Variants in DDX42 observed in about 807,000 individuals in gnomAD.
DDX42 encodes the protein DEAD-box helicase 42.
A neutral mutation model predicts 101.5 loss-of-function variants in DDX42; 22 were observed. The observed-to-expected ratio is 0.22, with a 90% confidence interval of 0.15 to 0.31. The LOEUF is 0.31. Among genes scored for constraint, DDX42 ranks in the 10% least tolerant of loss-of-function variants. The pLI is 1.00. For synonymous variants in DDX42, 402 were observed against 401.2 expected (o/e 1.00, Z -0.02); for missense variants, 849 against 1,199.9 (o/e 0.71, Z 4.32).
chr17:63,808,979 C>A, intron 10 of DDX42, 31 bp downstream of exon 10: 1 of 1,605,534 alleles, frequency 6.2e-7, no homozygotes, highest in South Asian at 1.1e-5. Flanking sequence ...AATGGCTTCT[C>A]AGCCTCCCTC....
At position 63,806,469 on chromosome 17, in the gene DDX42, T is replaced by G. The variant is rs909483952; in HGVS notation, c.727-66T>G. ...TAAAATGCTAGATCCAGGTAAGTAT[T>G]GTTGAACTTCAAATGCTGTTAATGT... On this transcript the variant is annotated intron_variant, in intron 7 of 17. Transcript: ENST00000389924. The G allele has an allele frequency of 5.9e-6, 9 of 1,516,288 alleles. No homozygotes were observed. The Admixed American group carries it at 1.0e-4, about 17-fold the overall frequency. The allele number at this position is 1,516,288 out of a possible 1,614,324, so 93.9% of individuals were successfully genotyped here. A position where few individuals can be genotyped will look rare whatever the true frequency, so the allele number is the denominator to read the frequency against.
chr17:63,783,986 C>T (rs898915266), intron 1 of DDX42, among the ~76,000 whole-genome samples: 3 of 152,042 alleles, frequency 2.0e-5, no homozygotes, highest in South Asian at 2.1e-4. Context: ...ATCACTTGAA[C>T]CATGGAGGCA....
intron 3 of DDX42, 128 bp from the exon 4 acceptor site, chr17:63,797,910 T>G (rs1175743431): frequency 7.3e-5 from 58 of 796,180 alleles, no homozygotes; most frequent in Admixed American, 3.2e-5. Flanking sequence ...CAAAATGCAA[T>G]TTGATGGCAT....
Position 63,811,080 on chromosome 17 carries a change from C to G in DDX42, c.1305C>G (p.Leu435=). 1 of 1,613,568 alleles carries G rather than the reference C, an allele frequency of 6.2e-7. No homozygotes were observed. The highest frequency in any genetic ancestry group is 8.5e-7 in the Non-Finnish European group (1 of 1,179,736). Residue 435 remains leucine, a synonymous_variant, in exon 13 of 18, where the codon CTC becomes CTG. Coordinates refer to ENST00000389924, the MANE Select transcript of DDX42 (RefSeq NM_203499.3). ...ASHVRPDRQT[L]LFSATFRKKI... ...AGAATTTATCTTACCTTTTAGCTCT[C>G]TTATTTAGTGCAACTTTTCGGAAGA...
intron 2 of DDX42, among the ~76,000 whole-genome samples, chr17:63,787,907 T>TTC (rs1450500047): frequency 8.3e-6 from 1 of 120,758 alleles, no homozygotes; most frequent in African/African-American, 4.2e-5. Context: ...TTCATGTGGT[T>TTC]TTTTTTTTTT....
intron 1 of DDX42, among the ~76,000 whole-genome samples, chr17:63,779,726 A>G (rs1300321180): frequency 6.6e-6 from 1 of 151,468 alleles, no homozygotes; most frequent in Non-Finnish European, 1.5e-5. Context: ...GAGTTTGACT[A>G]TTCTAGGTAT....
At chr17:63,792,366 C>T in intron 2 of DDX42, 46 bp from the exon 3 acceptor site, 1 of 1,586,648 alleles carries the variant, frequency 6.3e-7, no homozygotes, top group East Asian at 2.3e-5. Context: ...GATTTACTGA[C>T]CCCAAAGTAA....
At position 63,817,861 on chromosome 17, in the gene DDX42, C is replaced by T; in HGVS notation, c.2280C>T (p.Ala760=). The change falls in exon 18 of 18, where the codon GCC becomes GCT. Residue 760 remains alanine, a synonymous_variant. Coordinates refer to ENST00000389924, the MANE Select transcript of DDX42 (RefSeq NM_203499.3). ...CTGACAGCCCCGTCACCAGTGCCGC[C>T]AAGGGCATCCCAGGCTTTGGCAATA... The part of the protein sequence containing the change: ...NSPDSPVTSA[A]KGIPGFGNTG... 3.1e-6 allele frequency: 5 copies of T among 1,614,208 alleles called. No homozygotes were observed. Among genetic ancestry groups the T allele is most frequent in the Non-Finnish European group, 4.2e-6 (5 of 1,180,040 alleles).
chr17:63,818,714 A>G lies in DDX42; in HGVS notation c.*316A>G. ...AAAACTCACTCTAGGTTTATATTGTATGTAGCTTATATTTTTTACTAAGGT... is the reference window on the plus strand; with the variant it reads ...AAAACTCACTCTAGGTTTATATTGTGTGTAGCTTATATTTTTTACTAAGGT... On this transcript the variant is annotated 3_prime_UTR_variant, in exon 18 of 18. Coordinates refer to ENST00000389924, the MANE Select transcript of DDX42 (RefSeq NM_203499.3). The G allele has an allele frequency of 4.1e-6, 1 of 245,810 alleles. No individual in the cohort carries two copies. Among genetic ancestry groups the G allele is most frequent in the Non-Finnish European group, 8.0e-6 (1 of 125,782 alleles). The allele number at this position is 245,810 out of a possible 1,614,324, so 15.2% of individuals were successfully genotyped here. A position where few individuals can be genotyped will look rare whatever the true frequency, so the allele number is the denominator to read the frequency against.
At chr17:63,796,133 C>G (rs1461062828) in intron 3 of DDX42, among the ~76,000 whole-genome samples, 3 of 152,098 alleles carry the variant, frequency 2.0e-5, no homozygotes, top group Non-Finnish European at 4.4e-5. Flanking sequence ...TCCTAATGGG[C>G]TATGTTTCCT....
intron 6 of DDX42, among the ~76,000 whole-genome samples, chr17:63,803,288 A>T (rs2039795415): frequency 6.6e-6 from 1 of 152,074 alleles, no homozygotes; most frequent in Non-Finnish European, 1.5e-5. Flanking sequence ...TTAGTGTAAA[A>T]TAAAAAGTAT....
intron 8 of DDX42, 52 bp from the exon 9 acceptor site, chr17:63,807,672 T>C (rs1037429381): frequency 4.5e-6 from 7 of 1,541,500 alleles, no homozygotes; most frequent in African/African-American, 1.4e-5. Flanking sequence ...TTTGCTTCAG[T>C]ACATCTTTAG....
At chr17:63,794,671 C>T (rs1010476411) in intron 3 of DDX42, among the ~76,000 whole-genome samples, 3 of 151,380 alleles carry the variant, frequency 2.0e-5, no homozygotes, top group African/African-American at 2.4e-5. Flanking sequence ...CACAGTGGCT[C>T]ACGGCTCACA....
intron 2 of DDX42, 109 bp from the exon 3 acceptor site, chr17:63,792,303 A>G (rs1295287985): frequency 8.1e-7 from 1 of 1,239,888 alleles, no homozygotes; most frequent in East Asian, 2.4e-5. Flanking sequence ...TTTGATCTGC[A>G]TTACATCTCC....
chr17:63,811,005 C>T (rs2039903279), intron 12 of DDX42, 71 bp from the exon 13 acceptor site: 1 of 1,277,442 alleles, frequency 7.8e-7, no homozygotes, highest in Non-Finnish European at 1.1e-6. Flanking sequence ...ATCCTGAATG[C>T]CAAAGAAGCT....
intron 3 of DDX42, among the ~76,000 whole-genome samples, chr17:63,796,424 C>G (rs2039693362): frequency 6.6e-6 from 1 of 152,358 alleles, no homozygotes; most frequent in East Asian, 1.9e-4. Flanking sequence ...TCAAGCGATT[C>G]TCCTGCCTCA....
At position 63,812,096 on chromosome 17, in the gene DDX42, G is replaced by A. The variant is rs778384923; in HGVS notation, c.1563G>A (p.Glu521=). The stretch of plus-strand genomic sequence containing the variant: ...AGCTAGCGAATAACCTTAAACAGGA[G>A]GGTCATAATCTTGGGCTGCTCCATG... ...AEELANNLKQ[E]GHNLGLLHGD... Residue 521 remains glutamate (E), a synonymous_variant, in exon 14 of 18, where the codon GAG becomes GAA. Transcript: ENST00000389924. 8 of 1,614,124 alleles carry A rather than the reference G, an allele frequency of 5.0e-6. No individual in the cohort carries two copies. In the Admixed American group the frequency reaches 1.3e-4, roughly 27 times the overall value.
chr17:63,774,289 G>T lies in DDX42; in HGVS notation c.-104G>T. On this transcript the variant is annotated 5_prime_UTR_variant, in exon 1 of 18. Transcript: ENST00000389924. ...GGGCGGAGAGGAAGGAGCGCGGCGGGACCGGGCCGGGACAGCGCGTACTTT... is the reference window on the plus strand; with the variant it reads ...GGGCGGAGAGGAAGGAGCGCGGCGGTACCGGGCCGGGACAGCGCGTACTTT... 2 of 286,624 alleles carry T rather than the reference G, an allele frequency of 7.0e-6. 1 individual carries two copies. The highest frequency in any genetic ancestry group is 1.3e-5 in the Non-Finnish European group (2 of 155,362). The allele number at this position is 286,624 out of a possible 1,614,324, so 17.8% of individuals were successfully genotyped here. A position where few individuals can be genotyped will look rare whatever the true frequency, so the allele number is the denominator to read the frequency against.
intron 6 of DDX42, among the ~76,000 whole-genome samples, chr17:63,803,720 C>T (rs1173627275): frequency 1.3e-5 from 2 of 151,334 alleles, no homozygotes; most frequent in Non-Finnish European, 2.9e-5. Context: ...AACCTTGGCT[C>T]ACTGCAACCT....
Sources: gnomAD v4.1 joint callset for allele counts (sites outside exome capture counted in the v4.1 genomes callset) on GRCh38, gnomAD v4.1.1 for gene constraint, MANE v1.5 for transcripts, NCBI Gene and HGNC (gene_info 2026-07-23, HGNC 2026-07-21) for gene names.